The following SUPT3H variants were observed in gnomAD, a reference collection of about 807,000 sequenced individuals.
SUPT3H encodes the protein SPT3 homolog, SAGA and STAGA complex component.
A neutral mutation model predicts 44.3 loss-of-function variants in SUPT3H; 44 were observed. The observed-to-expected ratio is 0.99, with a 90% CI of 0.78 to 1.28. SUPT3H has a LOEUF of 1.28. SUPT3H is among the 50% of genes most tolerant of loss of function. The probability of loss-of-function intolerance (pLI) is 0.00; values close to 1 mark genes in which losing one functional copy is unlikely to be tolerated. For synonymous variants in SUPT3H, 124 were observed against 125.6 expected (o/e 0.99, Z 0.09); for missense variants, 380 against 387.1 (o/e 0.98, Z 0.15).
chr6:45,154,876 A>T (rs1249929873), intron 2 of SUPT3H, among the ~76,000 whole-genome samples: 2 of 152,148 alleles, frequency 1.3e-5, no homozygotes, highest in African/African-American at 2.4e-5. Context: ...GTTCATTTTC[A>T]GAGAACCTTC....
intron 1 of SUPT3H, among the ~76,000 whole-genome samples, 189 bp from the exon 2 acceptor site, chr6:45,365,490 C>G (rs1485076783): frequency 6.6e-6 from 1 of 151,592 alleles, no homozygotes; most frequent in Non-Finnish European, 1.5e-5. Context: ...TGGAAAAAAA[C>G]TAGTCAAGTA....
intron 3 of SUPT3H, among the ~76,000 whole-genome samples, chr6:45,068,369 C>T (rs1391183202): frequency 2.0e-4 from 28 of 139,110 alleles, no homozygotes; most frequent in Non-Finnish European, 3.6e-4. Context: ...TGCTAGATGA[C>T]GAGTTAGTGG....
intron 2 of SUPT3H, among the ~76,000 whole-genome samples, chr6:45,342,703 A>C (rs960253372): frequency 1.3e-5 from 2 of 152,084 alleles, no homozygotes; most frequent in Non-Finnish European, 2.9e-5. Context: ...AAAACCATCA[A>C]TACATAAAAT....
rs1032712166 is a variant in SUPT3H, at chr6:45,051,030, G to A, written c.187-30398C>T. 3.4e-4 allele frequency among the ~76,000 whole-genome samples: 51 copies of A among 151,934 alleles called. 1 individual carries two copies. The highest frequency in any genetic ancestry group is 7.1e-4 in the Non-Finnish European group (48 of 67,978). ...CTCCTGAGTAGCTGGGACTACAGGGGCCTGCCGCCATGCCCAGCTAATTTT... is the reference window on the plus strand; with the variant it reads ...CTCCTGAGTAGCTGGGACTACAGGGACCTGCCGCCATGCCCAGCTAATTTT... On this transcript the variant is annotated intron_variant, in intron 3 of 10. Transcript: ENST00000371459.
chr6:44,891,462 C>A (rs1050608906), intron 10 of SUPT3H, among the ~76,000 whole-genome samples: 1 of 151,972 alleles, frequency 6.6e-6, no homozygotes, highest in Non-Finnish European at 1.5e-5. Flanking sequence ...TAAGTATAAA[C>A]CTTGAAAATA....
At chr6:45,166,470 A>G (rs1303408835) in intron 2 of SUPT3H, among the ~76,000 whole-genome samples, 3 of 151,602 alleles carry the variant, frequency 2.0e-5, no homozygotes, top group Non-Finnish European at 2.9e-5. Context: ...CTATAGTCCC[A>G]GCTACTCGGG....
At chr6:45,281,860 C>T (rs1013216891) in intron 2 of SUPT3H, among the ~76,000 whole-genome samples, 26 of 152,300 alleles carry the variant, frequency 1.7e-4, no homozygotes, top group Admixed American at 3.9e-4. Flanking sequence ...ACTGACACCT[C>T]ACATGGCCGG....
intron 1 of SUPT3H, among the ~76,000 whole-genome samples, chr6:45,366,048 T>G (rs919427853): frequency 5.3e-5 from 8 of 152,158 alleles, no homozygotes; most frequent in African/African-American, 1.7e-4. Context: ...AAAGTAACAT[T>G]AAAATAATGT....
intron 2 of SUPT3H, among the ~76,000 whole-genome samples, chr6:45,345,910 C>G (rs541208731): frequency 2.3e-4 from 35 of 152,248 alleles, no homozygotes; most frequent in African/African-American, 7.2e-4. Context: ...AAGCTATTTG[C>G]TCCAAATGCC....
chr6:44,938,090 T>C (rs1009778621), intron 9 of SUPT3H, among the ~76,000 whole-genome samples: 65 of 151,372 alleles, frequency 4.3e-4, no homozygotes, highest in African/African-American at 1.5e-3. Flanking sequence ...TTAAGTCCCA[T>C]TGTCTATTTT....
At chr6:45,118,204 T>G (rs548828911) in intron 2 of SUPT3H, among the ~76,000 whole-genome samples, 3 of 152,210 alleles carry the variant, frequency 2.0e-5, no homozygotes, top group Admixed American at 6.6e-5. Context: ...AAAAGATCAG[T>G]ATGTACTTGT....
chr6:45,164,745 A>C (rs1809576547), intron 2 of SUPT3H, among the ~76,000 whole-genome samples: 2 of 152,160 alleles, frequency 1.3e-5, no homozygotes, highest in Admixed American at 6.6e-5. Flanking sequence ...TTGTGAACTT[A>C]TATTTTGTCA....
At chr6:45,050,278 A>AGTGTGTGTCT (rs1554221021) in intron 3 of SUPT3H, among the ~76,000 whole-genome samples, 38 of 147,420 alleles carry the variant, frequency 2.6e-4, no homozygotes, top group Non-Finnish European at 4.3e-4. Context: ...CTTTTTCTGC[A>AGTGTGTGTCT]GTGTGTGTGT....
intron 10 of SUPT3H, among the ~76,000 whole-genome samples, chr6:44,861,383 T>TCTTTC (rs1357858567): frequency 2.3e-4 from 35 of 150,852 alleles, no homozygotes; most frequent in African/African-American, 8.5e-4. Flanking sequence ...AGTTTTCTTT[T>TCTTTC]CTTTTCTTTT....
intron 3 of SUPT3H, among the ~76,000 whole-genome samples, chr6:45,064,462 T>C (rs1792853473): frequency 7.5e-6 from 1 of 132,700 alleles, no homozygotes; most frequent in African/African-American, 3.0e-5. Flanking sequence ...CATAACAATA[T>C]TAACTTTAAA....
intron 10 of SUPT3H, among the ~76,000 whole-genome samples, chr6:44,862,711 A>G (rs985921850): frequency 6.6e-6 from 1 of 151,478 alleles, no homozygotes; most frequent in Admixed American, 6.6e-5. Flanking sequence ...AAATAAAAAA[A>G]GAAATGATAG....
chr6:45,195,337 G>GT (rs997144907), intron 2 of SUPT3H, among the ~76,000 whole-genome samples: 2 of 152,164 alleles, frequency 1.3e-5, no homozygotes, highest in Non-Finnish European at 2.9e-5. Context: ...GTACAGGTGT[G>GT]TAGGTTTTAA....
chr6:45,371,851 GA>G, intron 1 of SUPT3H: 1 of 983,458 alleles, frequency 1.0e-6, no homozygotes, highest in Non-Finnish European at 1.2e-6. Context: ...ACTACAGTTT[GA>G]AAATCACTAA....
intron 2 of SUPT3H, among the ~76,000 whole-genome samples, chr6:45,355,253 T>C (rs1426630255): frequency 6.6e-6 from 1 of 151,416 alleles, no homozygotes; most frequent in African/African-American, 2.4e-5. Context: ...TGAGCCACCA[T>C]GCCCAGCTCC....
Sources: allele counts gnomAD v4.1 joint callset (sites outside exome capture counted in the v4.1 genomes callset), GRCh38; gene constraint gnomAD v4.1.1; transcripts MANE v1.5; gene names NCBI Gene and HGNC (gene_info 2026-07-23, HGNC 2026-07-21).